The following KIF7 variants were observed in gnomAD, a reference collection of about 807,000 sequenced individuals.
KIF7 encodes kinesin family member 7, also known as kinesin-like protein KIF7.
Under a neutral mutation model 135.7 loss-of-function variants are expected in KIF7, and 104 were observed. That is an observed-to-expected ratio of 0.77 (90% confidence interval 0.65 to 0.90). The LOEUF (loss-of-function observed/expected upper bound fraction) is 0.90, where lower values mean the gene tolerates loss of function less well. Ranked by LOEUF, KIF7 falls within the 40% of genes least tolerant of loss-of-function variation. KIF7 has a pLI of 0.00. For missense variants in KIF7, 2,005 were observed against 1,839.1 expected, an observed-to-expected ratio of 1.09 and a Z score of -1.65; for synonymous variants, 883 against 809.4, an observed-to-expected ratio of 1.09 and a Z score of -1.54.
chr15:89,637,394 G>A (rs1264698862), intron 11 of KIF7, among the ~76,000 whole-genome samples: 1 of 151,384 alleles, frequency 6.6e-6, no homozygotes, highest in South Asian at 2.1e-4. Context: ...TCCAGGAGCT[G>A]GTTTTTTGAA....
rs1250146203 is a variant in KIF7 at position 89,647,610 on chromosome 15, G to T, written c.1546C>A (p.Gln516Lys). The change falls in exon 6 of 19, where the codon CAG becomes AAG. Residue 516 changes from glutamine (Q) to lysine (K), a missense_variant. Transcript: ENST00000394412. ...GGGCGCCGCACCTGCAGTTTGTACT[G>T]CTCCATGGCGTCCTCCAGCGCAGCC... is the stretch of plus-strand genomic sequence containing the variant. ...FLAALEDAME[Q>K]YKLQSDRLRE... 6.2e-7 allele frequency: 1 copy of T among 1,611,606 alleles called. No homozygotes were observed. Among genetic ancestry groups the T allele is most frequent in the Non-Finnish European group, 8.5e-7 (1 of 1,179,926 alleles).
chr15:89,641,054 T>C (rs796700574), intron 11 of KIF7, among the ~76,000 whole-genome samples: 5 of 152,150 alleles, frequency 3.3e-5, no homozygotes, highest in African/African-American at 1.2e-4. Context: ...GGCTGAATTG[T>C]GTTTCCCCAA....
chr15:89,662,991 G>T, the KIF7 span, among the ~76,000 whole-genome samples: 1 of 152,236 alleles, frequency 6.6e-6, no homozygotes, highest in African/African-American at 2.4e-5. Flanking sequence ...GCCCAGGGCT[G>T]GGTGAAGGAA....
rs2141995243 is a variant in KIF7 at position 89,630,050 on chromosome 15, C to CTAACCT, written c.3318+236_3318+237insAGGTTA. ...CCCCTACTGAGAGCTACTATTGTGG[C>CTAACCT]CATGGACCACCCTGAGGTTAGCCAA... On this transcript the variant is annotated intron_variant, in intron 16 of 18. Transcript: ENST00000394412. 1.0e-5 allele frequency: 6 copies of CTAACCT among 585,130 alleles called. No individual in the cohort carries two copies. In the African/African-American group the frequency reaches 1.1e-4, roughly 11 times the overall value. 36.2% of individuals were successfully genotyped at this position (585,130 alleles called of 1,614,324 possible).
downstream of KIF7, chr15:89,625,226 G>T: frequency 6.2e-7 from 1 of 1,613,706 alleles, no homozygotes; most frequent in Non-Finnish European, 8.5e-7. Flanking sequence ...AAGAGCAGGG[G>T]GCAAACCTAC....
chr15:89,628,844 C>T, intron 18 of KIF7, 58 bp from the exon 19 acceptor site: 1 of 1,612,062 alleles, frequency 6.2e-7, no homozygotes, highest in South Asian at 1.1e-5. Context: ...TTCCCGAAGC[C>T]CTAGCTCCCC....
rs182498369 is a variant in KIF7, at chr15:89,629,699, T to C, written c.3319-126A>G. 2.9e-4 allele frequency: 379 copies of C among 1,319,120 alleles called. 2 individuals carry two copies. In the East Asian group the frequency reaches 8.2e-3, roughly 28 times the overall value. The allele number at this position is 1,319,120 out of a possible 1,614,324, so 81.7% of individuals were successfully genotyped here. On this transcript the variant is annotated intron_variant, in intron 16 of 18. Transcript: ENST00000394412. ...ACTAAGAAATCACCAGGGTCTTCCC[T>C]GCTGAGCCAAGACTCAGCCTCAGAC...
At position 89,649,371 on chromosome 15, in the gene KIF7, C is replaced by T. The variant is rs1239408011; in HGVS notation, c.530-4G>A. ...ACCTCCTTCACCCCGCACAGCACTG[C>T]GGGCACAGAAGGCCGTGAGCCCCAG... On this transcript the variant is annotated splice_region_variant and splice_polypyrimidine_tract_variant and intron_variant, in intron 3 of 18. Coordinates refer to ENST00000394412, the MANE Select transcript of KIF7 (RefSeq NM_198525.3). 5 of 1,450,910 alleles carry T rather than the reference C, an allele frequency of 3.4e-6. No homozygotes were observed. Among genetic ancestry groups the T allele is most frequent in the African/African-American group, 1.4e-5 (1 of 69,790 alleles). 89.9% of individuals were successfully genotyped at this position (1,450,910 alleles called of 1,614,324 possible).
intron 5 of KIF7, among the ~76,000 whole-genome samples, chr15:89,647,965 T>A (rs927057775): frequency 6.6e-6 from 1 of 152,114 alleles, no homozygotes; most frequent in Non-Finnish European, 1.5e-5. Flanking sequence ...TAGGAACAAT[T>A]TACTGCGTCT....
At chr15:89,622,216 C>G (rs369208207) in intron 1 of KIF7, among the ~76,000 whole-genome samples, 34 of 152,166 alleles carry the variant, frequency 2.2e-4, no homozygotes, top group Middle Eastern at 3.4e-3. Flanking sequence ...GAACTCCTGA[C>G]CTCAAGTGAT....
At position 89,645,168 on chromosome 15, in the gene KIF7, G is replaced by T. The variant is rs753370471; in HGVS notation, c.2039-3C>A. ...TCGGGCCTTGCTCCCACCAACTGCT[G>T]CAACAGGCAGCCTGTCAAGGTTGCT... On this transcript the variant is annotated splice_polypyrimidine_tract_variant and splice_region_variant and intron_variant, in intron 9 of 18. Transcript: ENST00000394412. The T allele has an allele frequency of 3.7e-6, 6 of 1,604,550 alleles. No homozygotes were observed. The highest frequency in any genetic ancestry group is 1.7e-5 in the Admixed American group (1 of 60,014).
At chr15:89,644,833 G>A (rs968672789) in intron 10 of KIF7, among the ~76,000 whole-genome samples, 180 bp downstream of exon 10, 1 of 152,244 alleles carries the variant, frequency 6.6e-6, no homozygotes, top group African/African-American at 2.4e-5. Context: ...CTGAGGCACG[G>A]AGGGTTTATG....
Position 89,631,557 on chromosome 15 carries a change from G to C in KIF7, c.3049C>G (p.Leu1017Val). Reference protein sequence around the residue: ...IDSLRQEKDSLLKQRLEIDGK... With the variant: ...IDSLRQEKDSVLKQRLEIDGK... Reference sequence around the variant, plus strand: ...TCGATCTCCAGGCGCTGCTTGAGCAGCGAGTCCTTCTCCTGGCGCAGGCTG... The same window carrying C: ...TCGATCTCCAGGCGCTGCTTGAGCACCGAGTCCTTCTCCTGGCGCAGGCTG... Residue 1017 changes from leucine to valine, a missense_variant, in exon 15 of 19, where the codon CTG becomes GTG. Transcript: ENST00000394412. The C allele has an allele frequency of 6.3e-7, 1 of 1,580,086 alleles. No individual in the cohort carries two copies. Among genetic ancestry groups the C allele is most frequent in the African/African-American group, 1.3e-5 (1 of 74,268 alleles).
Position 89,632,699 on chromosome 15 carries a change from C to T in KIF7, c.2895+121G>A, listed in dbSNP as rs79176259. ...AGGTTTATCACTTGGAAGGACCTCA[C>T]TTTGCTAGACCTCACCTGGCAGAAA... On this transcript the variant is annotated intron_variant, in intron 14 of 18. Transcript: ENST00000394412. 2.3e-3 allele frequency: 2,542 copies of T among 1,095,628 alleles called. 45 individuals are homozygous for T. The African/African-American group carries it at 0.034, about 15-fold the overall frequency. 67.9% of individuals were successfully genotyped at this position (1,095,628 alleles called of 1,614,324 possible).
rs138736028 is a variant in KIF7, at chr15:89,645,145, G to A, written c.2059C>T (p.Arg687Ter). The A allele has an allele frequency of 1.0e-5, 16 of 1,604,264 alleles. No homozygotes were observed. Among genetic ancestry groups the A allele is most frequent in the East Asian group, 2.2e-5 (1 of 44,894 alleles). ...GGGGGGACCTGGCGGGCCTGAACTC[G>A]GGCCTTGCTCCCACCAACTGCTGCA... ...GSRAVGGSKA[R>*]VQARQVPPAT... Residue 687 changes from arginine to a stop codon, truncating the protein, a stop_gained, in exon 10 of 19, where the codon CGA (arginine) becomes TGA (stop). Coordinates refer to ENST00000394412, the MANE Select transcript of KIF7 (RefSeq NM_198525.3). LOFTEE classifies it high-confidence loss of function.
rs374693639 is a variant in KIF7, at chr15:89,628,715, G to A, written c.3736C>T (p.Pro1246Ser). 1.1e-5 allele frequency: 18 copies of A among 1,613,038 alleles called. No individual in the cohort carries two copies. Among genetic ancestry groups the A allele is most frequent in the Non-Finnish European group, 1.4e-5 (16 of 1,179,920 alleles). Residue 1246 changes from proline (P) to serine (S), a missense_variant, in exon 19 of 19, where the codon CCC becomes TCC. Physicochemically the swap from Pro to Ser is moderately conservative, Grantham distance 74 (BLOSUM62 -1). Coordinates refer to ENST00000394412, the MANE Select transcript of KIF7 (RefSeq NM_198525.3). ...AGGGGGGACAGCCAGAGAAGCTCGG[G>A]TGCCAGGTGGAGCTCATCTTCATTT... ...PGNEDELHLA[P>S]ELLWLSPLTE... is the part of the protein sequence containing the mutation.
downstream of KIF7, chr15:89,625,519 G>A (rs777860778): frequency 6.2e-7 from 1 of 1,613,692 alleles, no homozygotes; most frequent in East Asian, 2.2e-5. Flanking sequence ...CATCTTGGAG[G>A]ATTTTGAGCT....
At chr15:89,624,848 G>A (rs1449245592), downstream of KIF7, 2 of 1,613,938 alleles carry the variant, frequency 1.2e-6, no homozygotes, top group Non-Finnish European at 1.7e-6. Context: ...CCTCCTTCCT[G>A]TGGGCCTGGC....
At chr15:89,655,211 CG>C (rs771860403) in intron 1 of KIF7, among the ~76,000 whole-genome samples, 187 bp downstream of exon 1, 1 of 152,214 alleles carries the variant, frequency 6.6e-6, no homozygotes, top group East Asian at 1.9e-4. Context: ...AAGACGGCGC[CG>C]GCCAGTCCAA....
Sources: gnomAD v4.1 joint callset for allele counts (sites outside exome capture counted in the v4.1 genomes callset) on GRCh38, gnomAD v4.1.1 for gene constraint, MANE v1.5 for transcripts, NCBI Gene and HGNC (gene_info 2026-07-23, HGNC 2026-07-21) for gene names.